Variants in MFSD12 observed in about 807,000 individuals in gnomAD.
MFSD12 encodes major facilitator superfamily domain containing 12, also known as major facilitator superfamily domain-containing protein 12.
In MFSD12, 67 loss-of-function variants were observed where a neutral mutation model predicts 51.2. The observed-to-expected ratio is 1.31, with a 90% CI of 1.08 to 1.60. The LOEUF is 1.60. MFSD12 is among the 40% of genes most tolerant of loss of function. MFSD12 has a pLI of 0.00. For missense variants in MFSD12, 921 were observed against 673.0 expected (o/e 1.37, Z -4.08); for synonymous variants, 441 against 316.7 (o/e 1.39, Z -4.17).
At chr19:3,543,963 T>C, downstream of MFSD12, 1 of 1,547,598 alleles carries the variant, frequency 6.5e-7, no homozygotes, top group Non-Finnish European at 8.7e-7. Flanking sequence ...ATACTGCCCC[T>C]CCACCTGCCA....
chr19:3,548,748 A>G (rs2145201158), intron 2 of MFSD12, among the ~76,000 whole-genome samples: 1 of 152,182 alleles, frequency 6.6e-6, no homozygotes, highest in South Asian at 2.1e-4. Context: ...GAACCATGCC[A>G]CCTCCAGAGG....
At chr19:3,548,437 A>G (rs2031258576) in intron 2 of MFSD12, among the ~76,000 whole-genome samples, 170 bp from the exon 3 acceptor site, 1 of 152,154 alleles carries the variant, frequency 6.6e-6, no homozygotes, top group Non-Finnish European at 1.5e-5. Context: ...CAGTTTCCCC[A>G]GCCCGCACAT....
In MFSD12 at chr19:3,544,551, G is replaced by C; in HGVS notation, c.*159C>G. 1 of 1,429,746 alleles carries C rather than the reference G, an allele frequency of 7.0e-7. No individual in the cohort carries two copies. Among genetic ancestry groups the C allele is most frequent in the East Asian group, 2.5e-5 (1 of 39,896 alleles). The allele number at this position is 1,429,746 out of a possible 1,614,324, so 88.6% of individuals were successfully genotyped here. On this transcript the variant is annotated 3_prime_UTR_variant, in exon 10 of 10. Coordinates refer to ENST00000355415, the MANE Select transcript of MFSD12 (RefSeq NM_174983.5). Reference sequence around the variant, plus strand: ...TTGCAAGTCCCTGGCGGGCATCCCTGCTGCCCTCACCCGACCCCACCCCCG... The same window carrying C: ...TTGCAAGTCCCTGGCGGGCATCCCTCCTGCCCTCACCCGACCCCACCCCCG...
Position 3,551,222 on chromosome 19 carries a change from G to A in MFSD12, c.299-28C>T. ...GTGGAAGGCAGAGTGGTCAGTCGCG[G>A]GGCTGTCCCGCACCAGCCAGGGCTC... is the stretch of plus-strand genomic sequence containing the variant. On this transcript the variant is annotated intron_variant, in intron 1 of 9. Coordinates refer to ENST00000355415, the MANE Select transcript of MFSD12 (RefSeq NM_174983.5). The surrounding 1 kb of genome is among the most constrained non-coding windows in gnomAD (Gnocchi z 4.6). The A allele has an allele frequency of 3.9e-6, 6 of 1,544,248 alleles. No individual in the cohort carries two copies. The highest frequency in any genetic ancestry group is 5.3e-6 in the Non-Finnish European group (6 of 1,140,912).
rs758675212 is a variant in MFSD12, at chr19:3,546,454, A to G, written c.1024-29T>C. The G allele has an allele frequency of 1.3e-5, 21 of 1,583,330 alleles. No individual in the cohort carries two copies. The Admixed American group carries it at 3.0e-4, about 23-fold the overall frequency. Reference sequence around the variant, plus strand: ...CAGGGACAGCCCCGGGGTCAGGCCCACACCACTGGGTGCCCCCAAGCCTGG... The same window carrying G: ...CAGGGACAGCCCCGGGGTCAGGCCCGCACCACTGGGTGCCCCCAAGCCTGG... On this transcript the variant is annotated intron_variant, in intron 6 of 9. Coordinates refer to ENST00000355415, the MANE Select transcript of MFSD12 (RefSeq NM_174983.5).
rs181719259 is a variant in MFSD12, at chr19:3,544,580, G to A, written c.*130C>T. The A allele has an allele frequency of 1.4e-6, 2 of 1,465,282 alleles. No homozygotes were observed. The highest frequency in any genetic ancestry group is 1.4e-5 in the African/African-American group (1 of 70,794). The allele number at this position is 1,465,282 out of a possible 1,614,324, so 90.8% of individuals were successfully genotyped here. A position where few individuals can be genotyped will look rare whatever the true frequency, so the allele number is the denominator to read the frequency against. ...CCCTCACCCGACCCCACCCCCGGGA[G>A]CTGGGTGAGGATGGAGGGTGGGGGT... On this transcript the variant is annotated 3_prime_UTR_variant, in exon 10 of 10. Coordinates refer to ENST00000355415, the MANE Select transcript of MFSD12 (RefSeq NM_174983.5).
chr19:3,543,494 C>A (rs749643910), downstream of MFSD12: 5 of 1,523,276 alleles, frequency 3.3e-6, no homozygotes, highest in South Asian at 6.1e-5. Flanking sequence ...CCCCCCCCGC[C>A]CTGGGCAGCG....
In MFSD12 at chr19:3,557,460, G is replaced by A. The variant is rs1463744683; in HGVS notation, c.-57C>T. The A allele has an allele frequency of 1.0e-5, 11 of 1,089,806 alleles. No homozygotes were observed. In the African/African-American group the frequency reaches 1.3e-4, roughly 13 times the overall value. The allele number at this position is 1,089,806 out of a possible 1,614,324, so 67.5% of individuals were successfully genotyped here. A position where few individuals can be genotyped will look rare whatever the true frequency, so the allele number is the denominator to read the frequency against. On this transcript the variant is annotated 5_prime_UTR_variant, in exon 1 of 10. Coordinates refer to ENST00000355415, the MANE Select transcript of MFSD12 (RefSeq NM_174983.5). The stretch of plus-strand genomic sequence containing the variant: ...GGCTCCGCGGAGGGTACCCTGGCCA[G>A]GCCTTCTTGGGTGCCGTGGGGGCAG...
chr19:3,539,271 C>T (rs2030153658), downstream of MFSD12: 2 of 1,535,060 alleles, frequency 1.3e-6, no homozygotes, highest in African/African-American at 2.8e-5. Flanking sequence ...GTGAGCCCCT[C>T]CCTACAGGTG....
chr19:3,546,261 G>C lies in MFSD12; in HGVS notation c.1188C>G (p.Pro396=), dbSNP rs1319823408. The C allele has an allele frequency of 1.2e-6, 2 of 1,610,698 alleles. No homozygotes were observed. Among genetic ancestry groups the C allele is most frequent in the Non-Finnish European group, 1.7e-6 (2 of 1,179,106 alleles). Residue 396 remains proline, a synonymous_variant, in exon 7 of 10, where the codon CCC becomes CCG. Transcript: ENST00000355415. ...SLAMTADLIG[P]HTNSGAFVYG... is the part of the protein sequence containing the mutation. The stretch of plus-strand genomic sequence containing the variant: ...GCCTGGCTACCAGCCCTACCGTGTG[G>C]GGACCGATGAGGTCGGCCGTCATGG...
Position 3,546,368 on chromosome 19 carries a change from C to A in MFSD12, c.1081G>T (p.Ala361Ser). ...ILAFAAWVAL[A>S]EGLGVAVYAA... is the part of the protein sequence containing the mutation. ...TACACGGCCACACCCAGTCCCTCCG[C>A]CAGCGCCACCCAGGCGGCAAAGGCC... The change falls in exon 7 of 10, where the codon GCG (alanine) becomes TCG (serine). Residue 361 changes from alanine to serine, a missense_variant. By Grantham distance (99) the Ala-to-Ser change is moderately conservative (BLOSUM62 1). Coordinates refer to ENST00000355415, the MANE Select transcript of MFSD12 (RefSeq NM_174983.5). 6.2e-7 allele frequency: 1 copy of A among 1,607,698 alleles called. No individual in the cohort carries two copies. Among genetic ancestry groups the A allele is most frequent in the Non-Finnish European group, 8.5e-7 (1 of 1,177,756 alleles).
chr19:3,541,912 TAA>T (rs1420246971), downstream of MFSD12: 4 of 603,516 alleles, frequency 6.6e-6, no homozygotes, highest in Admixed American at 6.3e-5. Flanking sequence ...GGGTTCAAGC[TAA>T]TTCTCCTGCC....
At chr19:3,541,843 C>T (rs911665290), downstream of MFSD12, 7 of 963,912 alleles carry the variant, frequency 7.3e-6, no homozygotes, top group East Asian at 2.3e-4. Context: ...GAGTCTCGCT[C>T]TCTCACCCAG....
intron 2 of MFSD12, among the ~76,000 whole-genome samples, chr19:3,549,291 C>T (rs62130582): frequency 3.3e-5 from 5 of 152,174 alleles, no homozygotes; most frequent in African/African-American, 9.7e-5. Context: ...ATCCCCTCCC[C>T]GTGGCAGCAG....
In MFSD12 at chr19:3,547,533, G is replaced by T. The variant is rs1440973182; in HGVS notation, c.852C>A (p.Tyr284Ter). 1.9e-6 allele frequency: 3 copies of T among 1,611,294 alleles called. No individual in the cohort carries two copies. Among genetic ancestry groups the T allele is most frequent in the Non-Finnish European group, 2.5e-6 (3 of 1,179,168 alleles). ...GGTTCACGATGAGCCTGGTGGTCAT[G>T]TACAGTATGCCCACCTGTGGGCAGA... ...EPAFYQVGIL[Y>*]MTTRLIVNLS... is the part of the protein sequence containing the mutation. Residue 284 changes from tyrosine to a stop codon, truncating the protein, a stop_gained, in exon 5 of 10, where the codon TAC becomes TAA. Coordinates refer to ENST00000355415, the MANE Select transcript of MFSD12 (RefSeq NM_174983.5). LOFTEE classifies it high-confidence loss of function.
chr19:3,556,956 AG>A (rs1241682277), intron 1 of MFSD12, 149 bp downstream of exon 1: 2 of 751,042 alleles, frequency 2.7e-6, no homozygotes, highest in Non-Finnish European at 4.0e-6. Flanking sequence ...CAGACAGTGC[AG>A]GGAAGCTCGG....
intron 1 of MFSD12, among the ~76,000 whole-genome samples, chr19:3,553,868 G>A (rs1028174790): frequency 2.6e-5 from 4 of 151,622 alleles, no homozygotes; most frequent in South Asian, 2.1e-4. Flanking sequence ...GATCACCTGA[G>A]GTCAGGAGTT....
rs2031143538 is a variant in MFSD12, at chr19:3,547,279, C to T, written c.1016G>A (p.Gly339Glu). The change falls in exon 6 of 10, where the codon GGG becomes GAG. Residue 339 changes from glycine to glutamate, a missense_variant. Gly to Glu is a moderately conservative substitution (Grantham distance 98, BLOSUM62 -2). Coordinates refer to ENST00000355415, the MANE Select transcript of MFSD12 (RefSeq NM_174983.5). ...CGGTCCCCGCCCACTCACGTTCCTC[C>T]CAATGCACTTGTTGATGGGCTTCAT... ...FLMKPINKCI[G>E]RNMTYFSGLL... 5.0e-6 allele frequency: 8 copies of T among 1,612,972 alleles called. No individual in the cohort carries two copies. Among genetic ancestry groups the T allele is most frequent in the Non-Finnish European group, 6.8e-6 (8 of 1,179,730 alleles).
At chr19:3,543,040 G>A, downstream of MFSD12, 2 of 1,606,246 alleles carry the variant, frequency 1.2e-6, no homozygotes, top group South Asian at 1.1e-5. Flanking sequence ...GGGAGAGGGG[G>A]AGTCAGCCTC....
Sources: gnomAD v4.1 joint callset for allele counts (sites outside exome capture counted in the v4.1 genomes callset) on GRCh38, gnomAD v4.1.1 for gene constraint, Gnocchi (gnomAD v3.1) non-coding constraint, MANE v1.5 for transcripts, NCBI Gene and HGNC (gene_info 2026-07-23, HGNC 2026-07-21) for gene names.